SDHC: variants seen among roughly 807,000 people sequenced by gnomAD.
The protein encoded by SDHC is succinate dehydrogenase complex subunit C.
A neutral mutation model predicts 22.6 loss-of-function variants in SDHC; 11 were observed. The observed-to-expected ratio is 0.49, with a 90% CI of 0.31 to 0.81. The LOEUF (loss-of-function observed/expected upper bound fraction) is 0.81, where lower values mean the gene tolerates loss of function less well. SDHC is among the 30% of genes least tolerant of loss of function. The pLI, the probability that SDHC is intolerant of heterozygous loss-of-function variation, is 0.05. For synonymous variants in SDHC, 80 were observed against 77.8 expected (o/e 1.03, Z -0.15); for missense variants, 160 against 212.0 (o/e 0.75, Z 1.52).
At chr1:161,341,447 C>G (rs566540325) in intron 4 of SDHC, among the ~76,000 whole-genome samples, 4 of 152,030 alleles carry the variant, frequency 2.6e-5, no homozygotes, top group Non-Finnish European at 5.9e-5. Flanking sequence ...ATATACTGGT[C>G]TTAGATAATT....
At chr1:161,322,853 C>T (rs931476779) in intron 1 of SDHC, among the ~76,000 whole-genome samples, 1 of 152,176 alleles carries the variant, frequency 6.6e-6, no homozygotes, top group Admixed American at 6.6e-5. Flanking sequence ...TGAGCCACTG[C>T]ACCTGGCCTG....
intron 5 of SDHC, among the ~76,000 whole-genome samples, chr1:161,358,334 T>C (rs981681617): frequency 5.9e-5 from 9 of 151,640 alleles, no homozygotes; most frequent in Non-Finnish European, 1.2e-4. Flanking sequence ...GGTTTCACCA[T>C]GTTGGCCAGC....
At chr1:161,346,745 C>CAA (rs57728204) in intron 4 of SDHC, among the ~76,000 whole-genome samples, 2 of 151,894 alleles carry the variant, frequency 1.3e-5, no homozygotes, top group African/African-American at 4.8e-5. Context: ...GAGAAACCAA[C>CAA]AAATACAGTT....
At chr1:161,314,586 T>C (rs1241779042) in intron 1 of SDHC, 161 bp downstream of exon 1, 37 of 799,730 alleles carry the variant, frequency 4.6e-5, no homozygotes, top group Non-Finnish European at 4.1e-6. Flanking sequence ...CCTTTTCCCG[T>C]CCCCCCCAGC....
chr1:161,356,564 C>T, intron 4 of SDHC, 113 bp from the exon 5 acceptor site: 2 of 1,107,638 alleles, frequency 1.8e-6, no homozygotes, highest in East Asian at 2.4e-5. Context: ...CAAAAATCTT[C>T]TCCATTTCAA....
intron 4 of SDHC, among the ~76,000 whole-genome samples, chr1:161,343,651 T>C (rs746690892): frequency 6.6e-6 from 1 of 152,176 alleles, no homozygotes; most frequent in Non-Finnish European, 1.5e-5. Context: ...TTATTTCTGC[T>C]TCCTTAGAAT....
intron 5 of SDHC, among the ~76,000 whole-genome samples, chr1:161,357,666 T>C (rs1376599939): frequency 6.6e-6 from 1 of 152,188 alleles, no homozygotes; most frequent in Non-Finnish European, 1.5e-5. Context: ...CCCAAAGTGC[T>C]AGGATTACAG....
rs574112975 is a variant in SDHC, at chr1:161,319,508, G to A, written c.21-4106G>A. Among the ~76,000 whole-genome samples, 8 of 151,150 alleles carry A rather than the reference G, an allele frequency of 5.3e-5. No homozygotes were observed. In the East Asian group the frequency reaches 9.8e-4, roughly 18 times the overall value. On this transcript the variant is annotated intron_variant, in intron 1 of 5. Transcript: ENST00000367975. ...GTCGCCCAGGGTGGAGTGCAGTGGTGTGATCTTGGCTCACTGCAACCTCTG... is the reference window on the plus strand; with the variant it reads ...GTCGCCCAGGGTGGAGTGCAGTGGTATGATCTTGGCTCACTGCAACCTCTG...
chr1:161,331,974 G>C (rs1402811821), intron 3 of SDHC, among the ~76,000 whole-genome samples: 1 of 151,704 alleles, frequency 6.6e-6, no homozygotes. Flanking sequence ...TTTTTTGTTT[G>C]TTTGTTTGTT....
intron 4 of SDHC, among the ~76,000 whole-genome samples, chr1:161,342,274 G>A (rs2102339487): frequency 6.6e-6 from 1 of 152,304 alleles, no homozygotes; most frequent in Middle Eastern, 3.4e-3. Context: ...CAGCGAAGGT[G>A]ATCTAGCCCA....
chr1:161,340,341 T>TTGTTC (rs1241726763), intron 3 of SDHC, among the ~76,000 whole-genome samples: 2 of 147,446 alleles, frequency 1.4e-5, no homozygotes, highest in Non-Finnish European at 3.0e-5. Context: ...TGGTGATTTT[T>TTGTTC]TGTTTTGTTT....
At chr1:161,324,097 TTAAG>T (rs1259026743) in intron 2 of SDHC, among the ~76,000 whole-genome samples, 8 of 152,214 alleles carry the variant, frequency 5.3e-5, no homozygotes, top group Admixed American at 3.3e-4. Flanking sequence ...TGACTGAAAC[TTAAG>T]TAATTGTGGT....
In SDHC at chr1:161,328,417, G is replaced by T. The variant is rs145535502; in HGVS notation, c.99G>T (p.Thr33=). The T allele has an allele frequency of 8.1e-6, 13 of 1,613,072 alleles. No homozygotes were observed. Among genetic ancestry groups the T allele is most frequent in the South Asian group, 1.1e-5 (1 of 91,060 alleles). The change falls in exon 3 of 6, where the codon ACG becomes ACT. Residue 33 remains threonine, a synonymous_variant. Transcript: ENST00000367975. The part of the protein sequence containing the change: ...CIRNAVPLGT[T]AKEEMERFWN... ...TTAGTGCTGTTCCTTTGGGAACCAC[G>T]GCCAAAGAAGAGATGGAGCGGTTCT...
chr1:161,323,820 T>G (rs896976353), intron 2 of SDHC, 150 bp downstream of exon 2: 1 of 548,602 alleles, frequency 1.8e-6, no homozygotes, highest in African/African-American at 2.0e-5. Flanking sequence ...CTCAGCCTCC[T>G]GAGTAGCTGG....
intron 1 of SDHC, among the ~76,000 whole-genome samples, chr1:161,318,087 G>A (rs1304171915): frequency 1.3e-5 from 2 of 151,722 alleles, no homozygotes; most frequent in Non-Finnish European, 2.9e-5. Flanking sequence ...CAGGAGAATC[G>A]TTTGAACCTG....
chr1:161,341,132 G>A (rs939192771), intron 4 of SDHC, among the ~76,000 whole-genome samples: 1 of 152,202 alleles, frequency 6.6e-6, no homozygotes, highest in Non-Finnish European at 1.5e-5. Context: ...GAGCCACTGT[G>A]CCTGGCCCAG....
Position 161,341,001 on chromosome 1 carries a change from G to A in SDHC, c.241+346G>A, listed in dbSNP as rs887660138. ...TGGGATTACAGGCATGTGCCACCAC[G>A]CCTGGCTAAATTTTTGTATTTTTAG... is the stretch of plus-strand genomic sequence containing the variant. On this transcript the variant is annotated intron_variant, in intron 4 of 5. Coordinates refer to ENST00000367975, the MANE Select transcript of SDHC (RefSeq NM_003001.5). Among the ~76,000 whole-genome samples, 127 of 152,046 alleles carry A rather than the reference G, an allele frequency of 8.4e-4. 1 individual carries two copies. The highest frequency in any genetic ancestry group is 1.5e-4 in the Non-Finnish European group (10 of 68,006).
intron 3 of SDHC, among the ~76,000 whole-genome samples, chr1:161,337,808 A>C (rs976907773): frequency 1.3e-5 from 2 of 152,128 alleles, no homozygotes; most frequent in African/African-American, 2.4e-5. Flanking sequence ...GATTTGATTC[A>C]TCTGGTCCCA....
At chr1:161,319,872 G>A (rs557082198) in intron 1 of SDHC, among the ~76,000 whole-genome samples, 2 of 152,310 alleles carry the variant, frequency 1.3e-5, no homozygotes, top group East Asian at 3.9e-4. Context: ...GTAATGTTCA[G>A]TGTGGCAGAA....
Sources: allele counts gnomAD v4.1 joint callset (sites outside exome capture counted in the v4.1 genomes callset), GRCh38; gene constraint gnomAD v4.1.1; transcripts MANE v1.5; gene names NCBI Gene and HGNC (gene_info 2026-07-23, HGNC 2026-07-21).